Variants in FBN3 observed in about 807,000 individuals in gnomAD.
FBN3 encodes fibrillin-3.
FBN3 carries 234 observed loss-of-function variants against 330.1 expected under a neutral mutation model. That is an observed-to-expected ratio of 0.71 (90% CI 0.64 to 0.79). The LOEUF (loss-of-function observed/expected upper bound fraction) is 0.79. Ranked by LOEUF, FBN3 falls within the 30% of genes least tolerant of loss-of-function variation. The probability of loss-of-function intolerance (pLI) is 0.00; values close to 1 mark genes in which losing one functional copy is unlikely to be tolerated. For missense variants in FBN3, 3,606 were observed against 3,886.9 expected, an observed-to-expected ratio of 0.93 and a Z score of 1.92; for synonymous variants, 1,458 against 1,517.3, an observed-to-expected ratio of 0.96 and a Z score of 0.91.
In FBN3 at chr19:8,136,185, C is replaced by T. The variant is rs1372664998; in HGVS notation, c.1465+5G>A. 2 of 1,613,652 alleles carry T rather than the reference C, an allele frequency of 1.2e-6. No homozygotes were observed. Among genetic ancestry groups the T allele is most frequent in the Non-Finnish European group, 1.7e-6 (2 of 1,179,914 alleles). ...TCACCCCTACTCTTGGATGGACAGC[C>T]GTACCCACGCATGCCTGCCTGGTGG... On this transcript the variant is annotated splice_donor_5th_base_variant and intron_variant, in intron 12 of 63. Transcript: ENST00000600128.
intron 41 of FBN3, among the ~76,000 whole-genome samples, chr19:8,097,855 A>G (rs1345891034): frequency 6.6e-6 from 1 of 152,258 alleles, no homozygotes; most frequent in African/African-American, 2.4e-5. Context: ...GTTGAAACCT[A>G]AAATCATTCT....
At chr19:8,083,105 G>T in intron 57 of FBN3, 142 bp downstream of exon 57, 1 of 1,013,446 alleles carries the variant, frequency 9.9e-7, no homozygotes, top group Non-Finnish European at 1.5e-6. Flanking sequence ...CTGGCCCTCA[G>T]TTGTCTGTAT....
intron 14 of FBN3, 93 bp downstream of exon 14, chr19:8,132,891 C>T: frequency 7.2e-7 from 1 of 1,383,388 alleles, no homozygotes. Flanking sequence ...ATGCTCGTCC[C>T]ATCCCCGTCC....
In FBN3 at chr19:8,136,319, G is replaced by C. The variant is rs776073673; in HGVS notation, c.1346-10C>G. ...GTGCATTCGTCTACATCTGAGGGGA[G>C]AGGACCCTGAGCCCTAGCACGAGCA... On this transcript the variant is annotated splice_polypyrimidine_tract_variant and intron_variant, in intron 11 of 63. Coordinates refer to ENST00000600128, the MANE Select transcript of FBN3 (RefSeq NM_032447.5). 5.0e-6 allele frequency: 8 copies of C among 1,602,416 alleles called. No individual in the cohort carries two copies. Among genetic ancestry groups the C allele is most frequent in the South Asian group, 1.1e-5 (1 of 89,740 alleles).
rs748799431 is a variant in FBN3, at chr19:8,081,112, G to T, written c.7344C>A (p.Asp2448Glu). The stretch of plus-strand genomic sequence containing the variant: ...AGTTGTGCTGCCGGGAGGTGCATTC[G>T]TCCAGGTCTGCAGCACGGATGGTCC... ...EEDGRTCKDLDECTSRQHNCQ... is the reference protein window; with the variant it reads ...EEDGRTCKDLEECTSRQHNCQ... Residue 2448 changes from aspartate to glutamate, a missense_variant, in exon 59 of 64, where the codon GAC (aspartate) becomes GAA (glutamate). Asp to Glu is a conservative substitution (Grantham distance 45). Coordinates refer to ENST00000600128, the MANE Select transcript of FBN3 (RefSeq NM_032447.5). 3 of 1,613,190 alleles carry T rather than the reference G, an allele frequency of 1.9e-6. No individual in the cohort carries two copies. Among genetic ancestry groups the T allele is most frequent in the Non-Finnish European group, 2.5e-6 (3 of 1,179,634 alleles).
chr19:8,098,003 T>G (rs999033667), intron 41 of FBN3, among the ~76,000 whole-genome samples: 2 of 152,240 alleles, frequency 1.3e-5, no homozygotes, highest in Non-Finnish European at 2.9e-5. Flanking sequence ...AGGGAGAGAC[T>G]GCTAATAGGC....
chr19:8,119,374 A>G (rs1330458609), intron 25 of FBN3, among the ~76,000 whole-genome samples: 1 of 152,220 alleles, frequency 6.6e-6, no homozygotes, highest in Non-Finnish European at 1.5e-5. Flanking sequence ...GGGAGCAGGC[A>G]GCCTCGCCAT....
In FBN3 at chr19:8,084,961, A is replaced by T. The variant is rs1316570023; in HGVS notation, c.7087+402T>A. Among the ~76,000 whole-genome samples, 4 of 151,980 alleles carry T rather than the reference A, an allele frequency of 2.6e-5. No homozygotes were observed. In the East Asian group the frequency reaches 7.8e-4, roughly 29 times the overall value. Reference sequence around the variant, plus strand: ...GAGTGCAGTGGCACTATCTTAGCTCATTGCAGCCTCAAATTCCTGGGCTTA... The same window carrying T: ...GAGTGCAGTGGCACTATCTTAGCTCTTTGCAGCCTCAAATTCCTGGGCTTA... On this transcript the variant is annotated intron_variant, in intron 56 of 63. Transcript: ENST00000600128.
chr19:8,094,126 G>A (rs915503596), intron 47 of FBN3, among the ~76,000 whole-genome samples: 1 of 152,048 alleles, frequency 6.6e-6, no homozygotes, highest in African/African-American at 2.4e-5. Flanking sequence ...TTACACCGGT[G>A]AAGCTTAGGC....
chr19:8,130,532 AAAAGAAAGAG>A (rs1223910766), intron 16 of FBN3, among the ~76,000 whole-genome samples: 8 of 113,160 alleles, frequency 7.1e-5, no homozygotes, highest in Admixed American at 2.0e-4. Flanking sequence ...AGAAAGAAAG[AAAAGAAAGAG>A]AAAGAAAGAG....
At chr19:8,146,802 AAAT>A (rs1568465057) in intron 3 of FBN3, among the ~76,000 whole-genome samples, 1 of 152,148 alleles carries the variant, frequency 6.6e-6, no homozygotes, top group South Asian at 2.1e-4. Context: ...CCATCTCTAA[AAAT>A]AATAATAATA....
intron 56 of FBN3, among the ~76,000 whole-genome samples, chr19:8,083,645 G>A (rs1406171136): frequency 6.6e-6 from 1 of 150,818 alleles, no homozygotes; most frequent in Non-Finnish European, 1.5e-5. Context: ...GCACCAACAT[G>A]CAGAACAGAG....
rs767722698 is a variant in FBN3, at chr19:8,133,043, C to T, written c.1655G>A (p.Ser552Asn). The change falls in exon 14 of 64, where the codon AGC (serine) becomes AAC (asparagine). Residue 552 changes from serine to asparagine, a missense_variant. By Grantham distance (46) the Ser-to-Asn change is conservative. Transcript: ENST00000600128. ...VNGVCLNEDG[S>N]FSCLCKPGFL... ...GCCGGGTTTGCAGAGGCAGGAGAAG[C>T]TGCCATCCTCGTTGAGACACACGCC... 2 of 1,585,482 alleles carry T rather than the reference C, an allele frequency of 1.3e-6. No individual in the cohort carries two copies. The highest frequency in any genetic ancestry group is 8.6e-7 in the Non-Finnish European group (1 of 1,167,522).
At position 8,126,357 on chromosome 19, in the gene FBN3, G is replaced by A. The variant is rs1196181464; in HGVS notation, c.2555-10C>T. 1.3e-6 allele frequency: 2 copies of A among 1,587,614 alleles called. No individual in the cohort carries two copies. The highest frequency in any genetic ancestry group is 8.6e-7 in the Non-Finnish European group (1 of 1,168,360). On this transcript the variant is annotated splice_polypyrimidine_tract_variant and intron_variant, in intron 20 of 63. Coordinates refer to ENST00000600128, the MANE Select transcript of FBN3 (RefSeq NM_032447.5). ...CGGGCACAGGCAGGGTCTGCAACTGGGAGAACAAGAGTGAAGAGAGGAGTC... is the reference window on the plus strand; with the variant it reads ...CGGGCACAGGCAGGGTCTGCAACTGAGAGAACAAGAGTGAAGAGAGGAGTC...
intron 54 of FBN3, 132 bp downstream of exon 54, chr19:8,086,945 A>T (rs2081976660): frequency 8.8e-7 from 1 of 1,131,374 alleles, no homozygotes; most frequent in African/African-American, 1.6e-5. Flanking sequence ...GGCTCAAGCG[A>T]TCCTCTCGCC....
intron 22 of FBN3, 69 bp from the exon 23 acceptor site, chr19:8,124,077 C>A: frequency 7.5e-7 from 1 of 1,328,180 alleles, no homozygotes; most frequent in Non-Finnish European, 1.1e-6. Flanking sequence ...AGGCGTGCCG[C>A]TCAGTCACTC....
At chr19:8,143,355 G>A (rs936642237) in intron 6 of FBN3, among the ~76,000 whole-genome samples, 1 of 151,910 alleles carries the variant, frequency 6.6e-6, no homozygotes, top group African/African-American at 2.4e-5. Context: ...TCCCTGCCAG[G>A]GTGCGCCACT....
In FBN3 at chr19:8,091,500, C is replaced by A. The variant is rs146562073; in HGVS notation, c.5996G>T (p.Gly1999Val). Reference protein sequence around the residue: ...PGSFQCLCPPGFVLSDNGHRC... With the variant: ...PGSFQCLCPPVFVLSDNGHRC... ...GTGCCCATTGTCAGAGAGGACAAAG[C>A]CAGGTGGGCAGAGGCACTGGAAGCT... The change falls in exon 48 of 64, where the codon GGC becomes GTC. Residue 1999 changes from glycine to valine, a missense_variant. Transcript: ENST00000600128. The A allele has an allele frequency of 8.1e-6, 13 of 1,614,062 alleles. No individual in the cohort carries two copies. Among genetic ancestry groups the A allele is most frequent in the African/African-American group, 1.3e-5 (1 of 74,904 alleles).
intron 57 of FBN3, 65 bp from the exon 58 acceptor site, chr19:8,081,545 A>T: frequency 6.7e-7 from 1 of 1,497,848 alleles, no homozygotes; most frequent in South Asian, 1.4e-5. Context: ...GTGTTCAGGG[A>T]CTGAGGTCTC....
Sources: allele counts gnomAD v4.1 joint callset (sites outside exome capture counted in the v4.1 genomes callset), GRCh38; gene constraint gnomAD v4.1.1; transcripts MANE v1.5; gene names NCBI Gene and HGNC (gene_info 2026-07-23, HGNC 2026-07-21).